The following ODAD1 variants were observed in gnomAD, a reference collection of about 807,000 sequenced individuals.
ODAD1 encodes the protein outer dynein arm-docking complex subunit 1.
A neutral mutation model predicts 67.2 loss-of-function variants in ODAD1; 49 were observed. The observed-to-expected ratio is 0.73, with a 90% CI of 0.58 to 0.92. ODAD1 has a LOEUF of 0.92. ODAD1 is among the 40% of genes least tolerant of loss of function. The pLI is 0.00. For missense variants in ODAD1, 897 were observed against 953.7 expected (o/e 0.94, Z 0.78); for synonymous variants, 345 against 393.7 (o/e 0.88, Z 1.46).
In ODAD1 at chr19:48,320,297, AC is replaced by A; in HGVS notation, c.70+1del. The A allele has an allele frequency of 7.8e-7, 1 of 1,280,632 alleles. No individual in the cohort carries two copies. Among genetic ancestry groups the A allele is most frequent in the Non-Finnish European group, 1.0e-6 (1 of 980,826 alleles). 79.3% of individuals were successfully genotyped at this position (1,280,632 alleles called of 1,614,324 possible). On this transcript the variant is annotated splice_donor_variant, in intron 3 of 15. Coordinates refer to ENST00000674294, the MANE Select transcript of ODAD1 (RefSeq NM_001364171.2). LOFTEE classifies it high-confidence loss of function. ...GAATGATATAAAGAATGAATGAATT[AC>A]CCATTCCCTCCAGAAATGCCTCGCT... is the stretch of plus-strand genomic sequence containing the variant.
chr19:48,314,327 T>C (rs1215184030), intron 5 of ODAD1, among the ~76,000 whole-genome samples: 2 of 152,206 alleles, frequency 1.3e-5, no homozygotes, highest in African/African-American at 2.4e-5. Flanking sequence ...GCCTACATCT[T>C]GATCTTGGAC....
At chr19:48,312,196 A>G in intron 5 of ODAD1, 80 bp from the exon 6 acceptor site, 1 of 1,057,580 alleles carries the variant, frequency 9.5e-7, no homozygotes, top group East Asian at 2.7e-5. Flanking sequence ...ATGAGTCACT[A>G]AGCATGGCAA....
rs1437267641 is a variant in ODAD1, at chr19:48,297,183, T to C, written c.1917A>G (p.Arg639=). ...CCAGGTAGCTGCTGGCGCTGACGGG[T>C]CTGAAGGTCACGTGGCCCCCACTCG... is the stretch of plus-strand genomic sequence containing the variant. The part of the protein sequence containing the change: ...SASSGGHVTF[R]PVSASSYLGS... The change falls in exon 16 of 16, where the codon AGA becomes AGG. Residue 639 remains arginine (R), a synonymous_variant. Coordinates refer to ENST00000674294, the MANE Select transcript of ODAD1 (RefSeq NM_001364171.2). The C allele has an allele frequency of 6.2e-7, 1 of 1,614,028 alleles. No individual in the cohort carries two copies. The highest frequency in any genetic ancestry group is 1.3e-5 in the African/African-American group (1 of 75,006).
intron 10 of ODAD1, 50 bp downstream of exon 10, chr19:48,303,599 AG>A (rs760840043): frequency 6.2e-7 from 1 of 1,610,436 alleles, no homozygotes; most frequent in Non-Finnish European, 8.5e-7. Context: ...CACTGGACTC[AG>A]GGGGTGCCGG....
chr19:48,306,348 A>G, intron 7 of ODAD1, 25 bp from the exon 8 acceptor site: 1 of 1,543,208 alleles, frequency 6.5e-7, no homozygotes, highest in East Asian at 2.4e-5. Context: ...GAAAAAAATC[A>G]GTGCCACTTC....
At position 48,297,203 on chromosome 19, in the gene ODAD1, C is replaced by G. The variant is rs752057590; in HGVS notation, c.1897G>C (p.Gly633Arg). ...VTFGSTSASS[G>R]GHVTFRPVSA... Reference sequence around the variant, plus strand: ...ACGGGTCTGAAGGTCACGTGGCCCCCACTCGAGGCACTGGTGGAGCCGAAG... The same window carrying G: ...ACGGGTCTGAAGGTCACGTGGCCCCGACTCGAGGCACTGGTGGAGCCGAAG... Residue 633 changes from glycine to arginine, a missense_variant, in exon 16 of 16, where the codon GGG (glycine) becomes CGG (arginine). Transcript: ENST00000674294. The G allele has an allele frequency of 5.0e-6, 8 of 1,613,982 alleles. No individual in the cohort carries two copies. Among genetic ancestry groups the G allele is most frequent in the East Asian group, 4.5e-5 (2 of 44,892 alleles).
At chr19:48,299,730 G>A (rs894721091) in intron 12 of ODAD1, among the ~76,000 whole-genome samples, 1 of 152,142 alleles carries the variant, frequency 6.6e-6, no homozygotes, top group Non-Finnish European at 1.5e-5. Context: ...TGAACCAGGA[G>A]GGGGAGATTG....
At chr19:48,311,786 G>A in intron 6 of ODAD1, 120 bp from the exon 7 acceptor site, 1 of 802,728 alleles carries the variant, frequency 1.2e-6, no homozygotes, top group East Asian at 2.7e-5. Context: ...CTGAGAAACA[G>A]AGGTTCTTTG....
intron 5 of ODAD1, among the ~76,000 whole-genome samples, chr19:48,314,001 C>T (rs1032746899): frequency 2.0e-5 from 3 of 151,898 alleles, no homozygotes; most frequent in Non-Finnish European, 2.9e-5. Context: ...CCAACACTTT[C>T]GGAGGCTGAG....
intron 5 of ODAD1, among the ~76,000 whole-genome samples, chr19:48,315,479 G>A (rs1968873954): frequency 6.6e-6 from 1 of 152,136 alleles, no homozygotes; most frequent in Non-Finnish European, 1.5e-5. Flanking sequence ...AGGAGGTGGA[G>A]ATTGCAGTGA....
At chr19:48,297,806 C>A in intron 14 of ODAD1, 138 bp from the exon 15 acceptor site, 1 of 889,792 alleles carries the variant, frequency 1.1e-6, no homozygotes, top group Admixed American at 3.2e-5. Context: ...GCACCCGGGG[C>A]CCCATCCTCC....
chr19:48,302,214 A>G (rs1020832729), intron 12 of ODAD1, among the ~76,000 whole-genome samples: 5 of 150,934 alleles, frequency 3.3e-5, no homozygotes, highest in Admixed American at 1.3e-4. Context: ...ATAGATGGAT[A>G]TGGGACAGAA....
intron 12 of ODAD1, among the ~76,000 whole-genome samples, chr19:48,301,492 A>G (rs897227265): frequency 5.3e-5 from 8 of 152,242 alleles, no homozygotes; most frequent in Non-Finnish European, 1.2e-4. Context: ...AAACATTGCT[A>G]TTATATTTTA....
chr19:48,298,458 C>A, intron 12 of ODAD1, 118 bp from the exon 13 acceptor site: 1 of 1,050,966 alleles, frequency 9.5e-7, no homozygotes. Flanking sequence ...GCTCAGAGAC[C>A]AAAAGGGAGT....
rs764932103 is a variant in ODAD1 at position 48,297,462 on chromosome 19, G to A, written c.1638C>T (p.Ala546=). 14 of 1,598,280 alleles carry A rather than the reference G, an allele frequency of 8.8e-6. No individual in the cohort carries two copies. The highest frequency in any genetic ancestry group is 2.7e-5 in the African/African-American group (2 of 74,546). The change falls in exon 16 of 16, where the codon GCC becomes GCT. Residue 546 remains alanine, a synonymous_variant. Transcript: ENST00000674294. ...AQRQKDLAAA[A]AKLDGTLSVD... is the part of the protein sequence containing the mutation. ...CGCTCAGGGTGCCGTCCAGCTTCGC[G>A]GCGGCGGCGGCCAGGTCCTTCTGGC...
intron 7 of ODAD1, among the ~76,000 whole-genome samples, chr19:48,307,427 C>T (rs918695913): frequency 3.3e-5 from 5 of 152,080 alleles, no homozygotes; most frequent in African/African-American, 1.2e-4. Context: ...CCCATCTCTA[C>T]AAAACATAAA....
chr19:48,314,420 C>A (rs971034813), intron 5 of ODAD1, among the ~76,000 whole-genome samples: 1 of 152,196 alleles, frequency 6.6e-6, no homozygotes, highest in African/African-American at 2.4e-5. Context: ...GCAGCCCTAA[C>A]AAACTAATCC....
In ODAD1 at chr19:48,304,582, G is replaced by A. The variant is rs549433173; in HGVS notation, c.666-442C>T. On this transcript the variant is annotated intron_variant, in intron 8 of 15. Transcript: ENST00000674294. ...TGCAGTGAGCTGAGATCGCACCACTGCACTCCAGCCTGGGTGGCAAGAGCG... is the reference window on the plus strand; with the variant it reads ...TGCAGTGAGCTGAGATCGCACCACTACACTCCAGCCTGGGTGGCAAGAGCG... Among the ~76,000 whole-genome samples, 167 of 150,450 alleles carry A rather than the reference G, an allele frequency of 1.1e-3. 1 individual carries two copies. The highest frequency in any genetic ancestry group is 2.1e-3 in the Admixed American group (32 of 15,054).
rs770673765 is a variant in ODAD1, at chr19:48,312,077, T to G, written c.400A>C (p.Asn134His). 3.9e-6 allele frequency: 6 copies of G among 1,550,784 alleles called. No individual in the cohort carries two copies. In the South Asian group the frequency reaches 7.1e-5, roughly 18 times the overall value. Residue 134 changes from asparagine (N) to histidine (H), a missense_variant, in exon 6 of 16, where the codon AAT becomes CAT. Physicochemically the swap from Asn to His is moderately conservative, Grantham distance 68. Coordinates refer to ENST00000674294, the MANE Select transcript of ODAD1 (RefSeq NM_001364171.2). ...WETRIFTHSKNVRSPGFILDQ... is the reference protein window; with the variant it reads ...WETRIFTHSKHVRSPGFILDQ... Reference sequence around the variant, plus strand: ...AGGATGAATCCCGGGGACCTGACATTCTTACTGTGGGTAAAGATCCGCGTC... The same window carrying G: ...AGGATGAATCCCGGGGACCTGACATGCTTACTGTGGGTAAAGATCCGCGTC...
Sources: gnomAD v4.1 joint callset for allele counts (sites outside exome capture counted in the v4.1 genomes callset) on GRCh38, gnomAD v4.1.1 for gene constraint, MANE v1.5 for transcripts, NCBI Gene and HGNC (gene_info 2026-07-23, HGNC 2026-07-21) for gene names.